UBR3: variants seen among roughly 807,000 people sequenced by gnomAD.
UBR3 encodes E3 ubiquitin-protein ligase UBR3.
Under a neutral mutation model 243.2 loss-of-function variants are expected in UBR3, and 85 were observed. The observed-to-expected ratio is 0.35, with a 90% confidence interval of 0.29 to 0.42. The LOEUF (loss-of-function observed/expected upper bound fraction) is 0.42, where lower values mean the gene tolerates loss of function less well. UBR3 is among the 10% of genes least tolerant of loss of function. UBR3 has a pLI of 1.00. For missense variants in UBR3, 1,686 were observed against 2,300.8 expected (o/e 0.73, Z 5.47); for synonymous variants, 748 against 799.8 (o/e 0.94, Z 1.09).
intron 1 of UBR3, among the ~76,000 whole-genome samples, chr2:169,848,225 G>A (rs2105290730): frequency 6.6e-6 from 1 of 151,956 alleles, no homozygotes; most frequent in East Asian, 1.9e-4. Flanking sequence ...TGTTTGCTTT[G>A]GATGAAGGGG....
At chr2:170,041,069 G>T in intron 32 of UBR3, 84 bp downstream of exon 32, 4 of 1,345,534 alleles carry the variant, frequency 3.0e-6, no homozygotes, top group Non-Finnish European at 4.1e-6. Context: ...TAGGCTGGGT[G>T]TGGTGGCTCA....
At chr2:170,068,823 T>C (rs1206511578) in intron 35 of UBR3, among the ~76,000 whole-genome samples, 1 of 152,206 alleles carries the variant, frequency 6.6e-6, no homozygotes, top group Non-Finnish European at 1.5e-5. Flanking sequence ...TAAGAGAATA[T>C]ATAGATAACA....
chr2:170,040,667 T>C (rs1030370047), intron 31 of UBR3, among the ~76,000 whole-genome samples: 5 of 152,150 alleles, frequency 3.3e-5, no homozygotes, highest in Non-Finnish European at 5.9e-5. Flanking sequence ...ACACAACACA[T>C]TTTCTATACA....
chr2:170,063,329 C>T (rs1316297124), intron 35 of UBR3, among the ~76,000 whole-genome samples: 1 of 152,070 alleles, frequency 6.6e-6, no homozygotes, highest in Non-Finnish European at 1.5e-5. Context: ...AATGAAAGTA[C>T]TTTGTGTATA....
intron 8 of UBR3, among the ~76,000 whole-genome samples, chr2:169,897,707 C>T (rs1234589958): frequency 1.3e-5 from 2 of 151,874 alleles, no homozygotes; most frequent in South Asian, 2.1e-4. Context: ...TGCCATGGTG[C>T]CCAGGCTAGT....
At chr2:169,835,721 G>A (rs1376119707) in intron 1 of UBR3, among the ~76,000 whole-genome samples, 1 of 152,120 alleles carries the variant, frequency 6.6e-6, no homozygotes, top group Admixed American at 6.6e-5. Context: ...GATTACAGGC[G>A]TGAGCCACCG....
intron 20 of UBR3, among the ~76,000 whole-genome samples, chr2:169,945,489 A>T (rs1397617664): frequency 6.6e-6 from 1 of 152,146 alleles, no homozygotes; most frequent in African/African-American, 2.4e-5. Context: ...AGCTTCTGTG[A>T]GGCTCAGCTT....
intron 10 of UBR3, among the ~76,000 whole-genome samples, chr2:169,908,026 C>T (rs569637882): frequency 3.8e-4 from 58 of 152,244 alleles, no homozygotes; most frequent in African/African-American, 1.3e-3. Context: ...CCCACCTCAG[C>T]CTATAATTCA....
intron 16 of UBR3, 91 bp downstream of exon 16, chr2:169,927,062 G>A: frequency 7.1e-7 from 1 of 1,402,390 alleles, no homozygotes; most frequent in Non-Finnish European, 9.7e-7. Context: ...GGGAAAAAAG[G>A]AAAGGATGTA....
At chr2:169,915,658 G>T (rs1443661052) in intron 11 of UBR3, among the ~76,000 whole-genome samples, 1 of 152,154 alleles carries the variant, frequency 6.6e-6, no homozygotes, top group African/African-American at 2.4e-5. Context: ...ATCCTATCTG[G>T]TAGTTTGTGA....
At chr2:170,012,125 T>C (rs751065959) in intron 29 of UBR3, among the ~76,000 whole-genome samples, 2 of 152,140 alleles carry the variant, frequency 1.3e-5, no homozygotes, top group African/African-American at 4.8e-5. Context: ...GGTTACTTTG[T>C]AAACTAATCA....
chr2:169,961,323 G>A (rs1319300726), intron 24 of UBR3, among the ~76,000 whole-genome samples: 1 of 151,122 alleles, frequency 6.6e-6, no homozygotes, highest in African/African-American at 2.4e-5. Context: ...TATTTTATTG[G>A]GGTACCAATT....
chr2:169,986,742 C>G lies in UBR3; in HGVS notation c.3732C>G (p.Pro1244=). 6.2e-7 allele frequency: 1 copy of G among 1,614,088 alleles called. No homozygotes were observed. Among genetic ancestry groups the G allele is most frequent in the Non-Finnish European group, 8.5e-7 (1 of 1,179,996 alleles). The stretch of plus-strand genomic sequence containing the variant: ...GTGTTATTTGTGGACAGAGTGGCCC[C>G]TCCTCTGAAGATCGACCTACTGGAT... The part of the protein sequence containing the change: ...YDCVICGQSG[P]SSEDRPTGLV... The change falls in exon 25 of 39, where the codon CCC becomes CCG. Residue 1244 remains proline, a synonymous_variant. Coordinates refer to ENST00000272793, the MANE Select transcript of UBR3 (RefSeq NM_172070.4).
At chr2:169,900,006 A>G (rs183268130) in intron 8 of UBR3, among the ~76,000 whole-genome samples, 9 of 152,346 alleles carry the variant, frequency 5.9e-5, no homozygotes, top group African/African-American at 2.4e-5. Context: ...CTTTGGGTAT[A>G]TACCCAGTAA....
chr2:169,945,888 C>T (rs532544436), intron 20 of UBR3, among the ~76,000 whole-genome samples: 75 of 152,254 alleles, frequency 4.9e-4, no homozygotes, highest in Middle Eastern at 3.4e-3. Flanking sequence ...ACTCAAAATA[C>T]TCAGAGGCTC....
At chr2:169,892,046 T>G (rs2084396993) in intron 6 of UBR3, among the ~76,000 whole-genome samples, 1 of 152,222 alleles carries the variant, frequency 6.6e-6, no homozygotes, top group Non-Finnish European at 1.5e-5. Context: ...GTTGATTAAG[T>G]GTATCTTGTG....
At chr2:170,007,312 G>A in intron 28 of UBR3, 122 bp downstream of exon 28, 1 of 1,017,816 alleles carries the variant, frequency 9.8e-7, no homozygotes, top group African/African-American at 1.6e-5. Context: ...TGCTTTTAGA[G>A]GTTTTGTTCT....
chr2:170,076,875 AG>A, intron 36 of UBR3, among the ~76,000 whole-genome samples: 1 of 152,278 alleles, frequency 6.6e-6, no homozygotes, highest in East Asian at 1.9e-4. Flanking sequence ...GGGTGGTGGT[AG>A]GGGTTTTTAA....
At chr2:169,972,000 A>G (rs1397291536) in intron 24 of UBR3, among the ~76,000 whole-genome samples, 1 of 152,202 alleles carries the variant, frequency 6.6e-6, no homozygotes, top group East Asian at 1.9e-4. Flanking sequence ...AAGGATCAAC[A>G]AAATTGATAG....
Sources: allele counts gnomAD v4.1 joint callset (sites outside exome capture counted in the v4.1 genomes callset), GRCh38; gene constraint gnomAD v4.1.1; transcripts MANE v1.5; gene names NCBI Gene and HGNC (gene_info 2026-07-23, HGNC 2026-07-21).